The following CPSF2 variants were observed in gnomAD, a reference collection of about 807,000 sequenced individuals.
CPSF2 encodes cleavage and polyadenylation specific factor 2, also known as cleavage and polyadenylation specificity factor subunit 2.
CPSF2 carries 51 observed loss-of-function variants against 84.2 expected under a neutral mutation model. That is an observed-to-expected ratio of 0.61 (90% CI 0.48 to 0.77). CPSF2 has a LOEUF of 0.77. CPSF2 is among the 30% of genes least tolerant of loss of function. The pLI, the probability that CPSF2 is intolerant of heterozygous loss-of-function variation, is 0.00. For synonymous variants in CPSF2, 286 were observed against 311.9 expected (o/e 0.92, Z 0.87); for missense variants, 641 against 929.4 (o/e 0.69, Z 4.03).
At chr14:92,125,361 TAAC>T (rs1159815651) in intron 1 of CPSF2, among the ~76,000 whole-genome samples, 2 of 152,188 alleles carry the variant, frequency 1.3e-5, no homozygotes, top group African/African-American at 4.8e-5. Context: ...GTTACTTAGA[TAAC>T]AACTAATATA....
chr14:92,133,140 C>T (rs1243383671), intron 3 of CPSF2, among the ~76,000 whole-genome samples: 1 of 151,150 alleles, frequency 6.6e-6, no homozygotes, highest in African/African-American at 2.4e-5. Context: ...CAACTTATGG[C>T]CGGGCGTGGT....
chr14:92,128,810 G>A (rs2068877428), intron 2 of CPSF2, among the ~76,000 whole-genome samples: 1 of 152,202 alleles, frequency 6.6e-6, no homozygotes, highest in Non-Finnish European at 1.5e-5. Flanking sequence ...AATTTTGAAA[G>A]TAGAACAGTT....
At chr14:92,156,428 T>G (rs760705748) in intron 11 of CPSF2, 51 bp from the exon 12 acceptor site, 3 of 1,493,712 alleles carry the variant, frequency 2.0e-6, no homozygotes, top group East Asian at 2.3e-5. Context: ...ATATATGTTA[T>G]GTAGTATTAG....
In CPSF2 at chr14:92,165,791, TTTTAATTTTGATAAAGTCCAG is replaced by T. The variant is rs1482761934; in HGVS notation, c.*4051_*4071del. On this transcript the variant is annotated 3_prime_UTR_variant, in exon 16 of 16. Coordinates refer to ENST00000298875, the MANE Select transcript of CPSF2 (RefSeq NM_017437.3). ...GTAGTGTAGTTTGAAGCACAAAAGT[TTTTAATTTTGATAAAGTCCAG>T]TTTGTTTTTTTCCCTTCAGTTCTTT... is the stretch of plus-strand genomic sequence containing the variant. The T allele has an allele frequency of 6.6e-6, 1 of 151,428 alleles. No homozygotes were observed. Among genetic ancestry groups the T allele is most frequent in the Non-Finnish European group, 1.5e-5 (1 of 67,902 alleles). 9.4% of individuals were successfully genotyped at this position (151,428 alleles called of 1,614,324 possible). A position where few individuals can be genotyped will look rare whatever the true frequency, so the allele number is the denominator to read the frequency against.
chr14:92,155,272 T>G lies in CPSF2; in HGVS notation c.1391T>G (p.Phe464Cys). The change falls in exon 11 of 16, where the codon TTT becomes TGT. Residue 464 changes from phenylalanine (F) to cysteine (C), a missense_variant. By Grantham distance (205) the Phe-to-Cys change is radical. Coordinates refer to ENST00000298875, the MANE Select transcript of CPSF2 (RefSeq NM_017437.3). ...CAGGCAAAAAAGTCCTATCCTATGT[T>G]TCCTGCCCCAGAAGAAAGAATTAAA... ...FKQAKKSYPM[F>C]PAPEERIKWD... The G allele has an allele frequency of 1.2e-6, 2 of 1,614,118 alleles. No homozygotes were observed. The highest frequency in any genetic ancestry group is 1.7e-6 in the Non-Finnish European group (2 of 1,180,010).
Position 92,122,064 on chromosome 14 carries a change from C to T in CPSF2, c.-158C>T, listed in dbSNP as rs866168810. 1.9e-6 allele frequency: 1 copy of T among 531,414 alleles called. No individual in the cohort carries two copies. 32.9% of individuals were successfully genotyped at this position (531,414 alleles called of 1,614,324 possible). On this transcript the variant is annotated 5_prime_UTR_variant, in exon 1 of 16. Transcript: ENST00000298875. ...TGACCCAGCATCGGCTTTTCTACGT[C>T]TTGAACCTGGATTCGCCTAGGGGTT...
chr14:92,130,741 G>A (rs1043687033), intron 2 of CPSF2, among the ~76,000 whole-genome samples: 4 of 151,958 alleles, frequency 2.6e-5, no homozygotes, highest in Non-Finnish European at 2.9e-5. Flanking sequence ...TTATCTTTGT[G>A]CTTTTAAACT....
At chr14:92,154,092 A>G (rs115512227) in intron 9 of CPSF2, 2,934 of 245,818 alleles carry the variant, frequency 0.012, 84 homozygotes, top group African/African-American at 0.06. Flanking sequence ...CCACAGTGCT[A>G]GGATTATAGG....
Position 92,128,526 on chromosome 14 carries a change from T to A in CPSF2, c.-35+2346T>A, listed in dbSNP as rs564955511. Among the ~76,000 whole-genome samples the A allele has an allele frequency of 1.6e-3, 238 of 152,014 alleles. 7 individuals carry two copies. The highest frequency in any genetic ancestry group is 0.015 in the Admixed American group (232 of 15,254). On this transcript the variant is annotated intron_variant, in intron 2 of 15. Transcript: ENST00000298875. ...AGCTGTAATTCTCCTCCATATCCCA[T>A]CCCCCCGCCGGCCCTGCATGATTGG...
At chr14:92,143,429 A>T in intron 9 of CPSF2, 135 bp downstream of exon 9, 2 of 680,116 alleles carry the variant, frequency 2.9e-6, no homozygotes, top group Non-Finnish European at 2.4e-6. Flanking sequence ...GAGAGCCAGG[A>T]GTGGTGGTGT....
chr14:92,129,338 G>A (rs758838322), intron 2 of CPSF2, among the ~76,000 whole-genome samples: 2 of 152,120 alleles, frequency 1.3e-5, no homozygotes, highest in Non-Finnish European at 2.9e-5. Context: ...AGAAGAGGTA[G>A]GGGATTAGGT....
In CPSF2 at chr14:92,166,539, G is replaced by A. The variant is rs1346563602; in HGVS notation, c.*4795G>A. On this transcript the variant is annotated 3_prime_UTR_variant, in exon 16 of 16. Coordinates refer to ENST00000298875, the MANE Select transcript of CPSF2 (RefSeq NM_017437.3). ...TTTTTAAAATTTTTTTGTGAAGACA[G>A]TTTCTCACTCTGTTGCCCAAGCTGG... The A allele has an allele frequency of 1.3e-5, 2 of 152,056 alleles. No individual in the cohort carries two copies. The highest frequency in any genetic ancestry group is 2.9e-5 in the Non-Finnish European group (2 of 68,040). 9.4% of individuals were successfully genotyped at this position (152,056 alleles called of 1,614,324 possible).
intron 13 of CPSF2, 75 bp from the exon 14 acceptor site, chr14:92,158,905 AATG>A (rs1410074606): frequency 7.7e-7 from 1 of 1,306,688 alleles, no homozygotes. Flanking sequence ...AGAGGTAGAA[AATG>A]ATAATAGGTT....
At chr14:92,138,449 A>G (rs1236910469) in intron 7 of CPSF2, 102 bp downstream of exon 7, 1 of 542,722 alleles carries the variant, frequency 1.8e-6, no homozygotes, top group Non-Finnish European at 3.0e-6. Context: ...TTTTTTTTTG[A>G]GACGGACTTT....
Position 92,138,362 on chromosome 14 carries a change from A to T in CPSF2, c.661+15A>T, listed in dbSNP as rs1203363075. The stretch of plus-strand genomic sequence containing the variant: ...GCAGCTTCTGAGTACGTATTCTTTC[A>T]CGTCCTTATTATTATTATTATTTTG... On this transcript the variant is annotated intron_variant, in intron 7 of 15. Coordinates refer to ENST00000298875, the MANE Select transcript of CPSF2 (RefSeq NM_017437.3). The T allele has an allele frequency of 1.6e-6, 2 of 1,250,944 alleles. No homozygotes were observed. The highest frequency in any genetic ancestry group is 2.3e-6 in the Non-Finnish European group (2 of 888,440). The allele number at this position is 1,250,944 out of a possible 1,614,324, so 77.5% of individuals were successfully genotyped here. A position where few individuals can be genotyped will look rare whatever the true frequency, so the allele number is the denominator to read the frequency against.
intron 14 of CPSF2, among the ~76,000 whole-genome samples, chr14:92,160,403 C>T (rs2141484224): frequency 6.6e-6 from 1 of 152,228 alleles, no homozygotes; most frequent in South Asian, 2.1e-4. Context: ...TAGCAAGATT[C>T]TAGGTAATTA....
At position 92,155,600 on chromosome 14, in the gene CPSF2, T is replaced by A. The variant is rs147177851; in HGVS notation, c.1442+277T>A. ...CATGATCACGTGATCAAGACTTTTT[T>A]CCCCCACTTAAAAAGAGAGGAAGAT... On this transcript the variant is annotated intron_variant, in intron 11 of 15. Coordinates refer to ENST00000298875, the MANE Select transcript of CPSF2 (RefSeq NM_017437.3). 1.8e-4 allele frequency among the ~76,000 whole-genome samples: 27 copies of A among 152,222 alleles called. No homozygotes were observed. The East Asian group carries it at 3.9e-3, about 22-fold the overall frequency.
At chr14:92,128,585 A>G (rs2068872717) in intron 2 of CPSF2, among the ~76,000 whole-genome samples, 1 of 152,198 alleles carries the variant, frequency 6.6e-6, no homozygotes, top group African/African-American at 2.4e-5. Flanking sequence ...CCAGCCTAGT[A>G]GAGAGAAGTA....
chr14:92,128,038 TA>T (rs1422348283), intron 2 of CPSF2, among the ~76,000 whole-genome samples: 5 of 152,162 alleles, frequency 3.3e-5, no homozygotes, highest in African/African-American at 1.2e-4. Context: ...GGGTAATACT[TA>T]CGGCCTGTTT....
Sources: allele counts gnomAD v4.1 joint callset (sites outside exome capture counted in the v4.1 genomes callset), GRCh38; gene constraint gnomAD v4.1.1; transcripts MANE v1.5; gene names NCBI Gene and HGNC (gene_info 2026-07-23, HGNC 2026-07-21).